The following DENND1A variants were observed in gnomAD, a reference collection of about 807,000 sequenced individuals.
DENND1A encodes the protein DENN domain containing 1A, also known as DENN domain-containing protein 1A.
In DENND1A, 51 loss-of-function variants were observed where a neutral mutation model predicts 113.7. The observed-to-expected ratio is 0.45, with a 90% CI of 0.36 to 0.57. DENND1A has a LOEUF of 0.57. Ranked by LOEUF, DENND1A falls within the 20% of genes least tolerant of loss-of-function variation. The pLI is 0.00. For synonymous variants in DENND1A, 565 were observed against 570.8 expected (o/e 0.99, Z 0.14); for missense variants, 1,258 against 1,395.9 (o/e 0.90, Z 1.57).
chr9:123,646,436 C>G (rs534790080), intron 9 of DENND1A, among the ~76,000 whole-genome samples: 1 of 152,230 alleles, frequency 6.6e-6, no homozygotes, highest in East Asian at 1.9e-4. Context: ...CTGGGAGCTT[C>G]TATAGCATGT....
chr9:123,448,673 G>A (rs1403967751), intron 18 of DENND1A, among the ~76,000 whole-genome samples: 1 of 152,206 alleles, frequency 6.6e-6, no homozygotes, highest in Non-Finnish European at 1.5e-5. Context: ...CTGGCAGGGT[G>A]CAAACAGACT....
intron 13 of DENND1A, among the ~76,000 whole-genome samples, chr9:123,553,043 G>A (rs770086142): frequency 6.6e-6 from 1 of 152,152 alleles, no homozygotes; most frequent in Non-Finnish European, 1.5e-5. Flanking sequence ...GATCACTCGA[G>A]CCCAGGAGTT....
At chr9:123,926,674 G>GTTT (rs61507628) in intron 1 of DENND1A, among the ~76,000 whole-genome samples, 1 of 147,642 alleles carries the variant, frequency 6.8e-6, no homozygotes, top group African/African-American at 2.5e-5. Context: ...TTCCTCAAGG[G>GTTT]TTTTTTTTTT....
chr9:123,901,950 G>A (rs1851706375), intron 1 of DENND1A, among the ~76,000 whole-genome samples: 1 of 152,084 alleles, frequency 6.6e-6, no homozygotes, highest in Non-Finnish European at 1.5e-5. Context: ...AGCTTGCAGT[G>A]AGCCCAGATC....
chr9:123,627,757 A>AAAAAAAG lies in DENND1A; in HGVS notation c.719+2618_719+2619insCTTTTTT, dbSNP rs1366495919. 8.9e-4 allele frequency among the ~76,000 whole-genome samples: 129 copies of AAAAAAAG among 144,410 alleles called. 4 individuals are homozygous for AAAAAAAG. The East Asian group carries it at 0.019, about 22-fold the overall frequency. 94.7% of individuals were successfully genotyped at this position (144,410 alleles called of 152,430 possible). ...TCTGTCTCAAAAAAAAAAAAAAAAA[A>AAAAAAAG]AGAGAGAGAGAGCGAGCGAGTGAGA... is the stretch of plus-strand genomic sequence containing the variant. On this transcript the variant is annotated intron_variant, in intron 10 of 23. Transcript: ENST00000394215.
chr9:123,497,602 G>A (rs1214143198), intron 13 of DENND1A, among the ~76,000 whole-genome samples: 1 of 152,118 alleles, frequency 6.6e-6, no homozygotes, highest in Non-Finnish European at 1.5e-5. Context: ...GGATAGAAGG[G>A]CATGAGTCAC....
chr9:123,541,011 T>C (rs2056249483), intron 13 of DENND1A, among the ~76,000 whole-genome samples: 1 of 152,208 alleles, frequency 6.6e-6, no homozygotes, highest in African/African-American at 2.4e-5. Context: ...TCCTTAGCTT[T>C]CTTTTTCTGC....
intron 10 of DENND1A, among the ~76,000 whole-genome samples, chr9:123,611,072 T>G (rs184986182): frequency 1.8e-3 from 268 of 152,382 alleles, no homozygotes; most frequent in Non-Finnish European, 3.4e-3. Context: ...GACTTGAATA[T>G]TAGCAGCTCA....
chr9:123,783,285 C>G (rs1177493718), intron 3 of DENND1A, among the ~76,000 whole-genome samples: 1 of 152,164 alleles, frequency 6.6e-6, no homozygotes, highest in Non-Finnish European at 1.5e-5. Flanking sequence ...CCTTACTTGA[C>G]AAAATATTCA....
intron 2 of DENND1A, among the ~76,000 whole-genome samples, chr9:123,828,808 A>C (rs1223847079): frequency 6.6e-6 from 1 of 152,162 alleles, no homozygotes; most frequent in African/African-American, 2.4e-5. Context: ...AATATCAAAA[A>C]CCAAACTGAG....
chr9:123,902,182 C>T (rs1001092960), intron 1 of DENND1A, among the ~76,000 whole-genome samples: 11 of 147,318 alleles, frequency 7.5e-5, no homozygotes, highest in Admixed American at 6.0e-4. Flanking sequence ...CATACACACA[C>T]ACACACACAC....
chr9:123,499,632 G>T (rs1331287826), intron 13 of DENND1A, among the ~76,000 whole-genome samples: 1 of 152,182 alleles, frequency 6.6e-6, no homozygotes, highest in African/African-American at 2.4e-5. Flanking sequence ...ACTAAGGGCT[G>T]GCAGTTGGAG....
At chr9:123,845,670 C>T (rs1250366681) in intron 2 of DENND1A, among the ~76,000 whole-genome samples, 2 of 44,094 alleles carry the variant, frequency 4.5e-5, no homozygotes, top group Non-Finnish European at 9.3e-5. Flanking sequence ...AACCTGTCTC[C>T]AAAAAAAAAA....
intron 6 of DENND1A, among the ~76,000 whole-genome samples, chr9:123,675,385 C>A (rs942112704): frequency 1.3e-5 from 2 of 152,112 alleles, no homozygotes; most frequent in Admixed American, 6.6e-5. Flanking sequence ...TGCAAGACTT[C>A]GTAGAGCTTA....
At chr9:123,868,728 CT>C (rs1306049028) in intron 2 of DENND1A, among the ~76,000 whole-genome samples, 1 of 152,168 alleles carries the variant, frequency 6.6e-6, no homozygotes, top group Non-Finnish European at 1.5e-5. Context: ...TAAGGCTCCC[CT>C]ATATCATAAT....
intron 5 of DENND1A, among the ~76,000 whole-genome samples, chr9:123,701,398 G>A (rs1475716486): frequency 2.0e-5 from 3 of 152,154 alleles, no homozygotes; most frequent in South Asian, 4.1e-4. Flanking sequence ...CCTTACCTCA[G>A]GCAGTGGAAA....
At chr9:123,675,255 G>A (rs1476044713) in intron 6 of DENND1A, among the ~76,000 whole-genome samples, 2 of 152,114 alleles carry the variant, frequency 1.3e-5, no homozygotes, top group Non-Finnish European at 2.9e-5. Context: ...CTCCAAAACA[G>A]CATTTCCCAA....
intron 19 of DENND1A, among the ~76,000 whole-genome samples, chr9:123,439,447 G>A (rs2046768611): frequency 6.6e-6 from 1 of 152,230 alleles, no homozygotes; most frequent in South Asian, 2.1e-4. Flanking sequence ...CTGGTGCATA[G>A]TAGGCACCTG....
chr9:123,666,882 A>C lies in DENND1A; in HGVS notation c.507+144T>G, dbSNP rs2063517085. The C allele has an allele frequency of 4.1e-6, 3 of 733,408 alleles. No homozygotes were observed. The East Asian group carries it at 9.6e-5, about 23-fold the overall frequency. 45.4% of individuals were successfully genotyped at this position (733,408 alleles called of 1,614,324 possible). On this transcript the variant is annotated intron_variant, in intron 8 of 23. Transcript: ENST00000394215. ...GTTTTTATAATACACTTCAGTTCTT[A>C]TACTTTTGTTTTTATAATGTGTTTT...
Sources: allele counts gnomAD v4.1 joint callset (sites outside exome capture counted in the v4.1 genomes callset), GRCh38; gene constraint gnomAD v4.1.1; transcripts MANE v1.5; gene names NCBI Gene and HGNC (gene_info 2026-07-23, HGNC 2026-07-21).